The following GABRG2 variants were observed in gnomAD, a reference collection of about 807,000 sequenced individuals.
GABRG2 encodes gamma-aminobutyric acid receptor subunit gamma-2.
In GABRG2, 16 loss-of-function variants were observed where a neutral mutation model predicts 56.4. The ratio of observed to expected loss-of-function variants is 0.28; its 90% CI spans 0.19 to 0.43. The LOEUF is 0.43. Ranked by LOEUF, GABRG2 falls within the 20% of genes least tolerant of loss-of-function variation. The probability of loss-of-function intolerance (pLI) is 1.00; values close to 1 mark genes in which losing one functional copy is unlikely to be tolerated. For synonymous variants in GABRG2, 208 were observed against 205.5 expected (o/e 1.01, Z -0.10); for missense variants, 327 against 582.7 (o/e 0.56, Z 4.52).
rs1343459606 is a variant in GABRG2, at chr5:162,097,667, A to G, written c.357A>G (p.Gln119=). The change falls in exon 4 of 10, where the codon CAA becomes CAG. Residue 119 remains glutamine, a synonymous_variant. Coordinates refer to ENST00000639213, the MANE Select transcript of GABRG2 (RefSeq NM_198904.4). ...ACACTATTGATATATTTTTTGCGCAAACGTGGTATGACAGACGTTTGAAAT... is the reference window on the plus strand; with the variant it reads ...ACACTATTGATATATTTTTTGCGCAGACGTGGTATGACAGACGTTTGAAAT... The part of the protein sequence containing the change: ...MEYTIDIFFA[Q]TWYDRRLKFN... 6.2e-7 allele frequency: 1 copy of G among 1,613,526 alleles called. No homozygotes were observed. The highest frequency in any genetic ancestry group is 8.5e-7 in the Non-Finnish European group (1 of 1,179,724).
At position 162,078,656 on chromosome 5, in the gene GABRG2, T is replaced by C. The variant is rs532866795; in HGVS notation, c.107+10550T>C. 3.2e-3 allele frequency among the ~76,000 whole-genome samples: 488 copies of C among 151,408 alleles called. 3 individuals are homozygous for C. Among genetic ancestry groups the C allele is most frequent in the African/African-American group, 0.011 (464 of 41,384 alleles). On this transcript the variant is annotated intron_variant, in intron 1 of 9. Coordinates refer to ENST00000639213, the MANE Select transcript of GABRG2 (RefSeq NM_198904.4). ...TCCTGACCTCCTGATCCACCCGCCT[T>C]GGCCTCCCAAAATGCTGGGATTACA...
chr5:162,072,709 A>G (rs1195728128), intron 1 of GABRG2, among the ~76,000 whole-genome samples: 1 of 152,004 alleles, frequency 6.6e-6, no homozygotes, highest in Non-Finnish European at 1.5e-5. Flanking sequence ...ACACAAACAC[A>G]CATACACAGA....
intron 6 of GABRG2, among the ~76,000 whole-genome samples, chr5:162,137,484 G>A (rs1764219803): frequency 6.6e-6 from 1 of 152,040 alleles, no homozygotes; most frequent in South Asian, 2.1e-4. Flanking sequence ...GAATTTCACT[G>A]ATCCCTTCTG....
At chr5:162,124,958 A>ATGTGTGTGTGTGTGTGTG (rs55993809) in intron 6 of GABRG2, among the ~76,000 whole-genome samples, 7 of 143,888 alleles carry the variant, frequency 4.9e-5, no homozygotes, top group African/African-American at 1.8e-4. Context: ...GTATAAAGAG[A>ATGTGTGTGTGTGTGTGTG]TGTGTGTGTG....
At chr5:162,077,073 C>CTGTGTGTGTG (rs55938019) in intron 1 of GABRG2, among the ~76,000 whole-genome samples, 123 of 146,736 alleles carry the variant, frequency 8.4e-4, no homozygotes, top group African/African-American at 2.6e-3. Context: ...ACAACTACCC[C>CTGTGTGTGTG]TGTGTGTGTG....
intron 6 of GABRG2, among the ~76,000 whole-genome samples, chr5:162,116,528 T>C (rs1041438574): frequency 6.6e-6 from 1 of 151,918 alleles, no homozygotes; most frequent in Non-Finnish European, 1.5e-5. Context: ...CACATTCTAC[T>C]GACCAAAGCA....
intron 5 of GABRG2, chr5:162,102,411 A>G (rs1761493301): frequency 4.7e-6 from 2 of 426,372 alleles, no homozygotes; most frequent in South Asian, 3.4e-5. Flanking sequence ...TCAGGTGGCC[A>G]GTTGAAAATG....
intron 2 of GABRG2, 117 bp downstream of exon 2, chr5:162,094,096 T>C: frequency 1.7e-6 from 2 of 1,196,066 alleles, no homozygotes; most frequent in Non-Finnish European, 2.4e-6. Flanking sequence ...TACTTTTTTA[T>C]ATGTTGTAAA....
chr5:162,098,693 A>T (rs955997100), intron 4 of GABRG2: 7 of 152,188 alleles, frequency 4.6e-5, no homozygotes, highest in African/African-American at 1.7e-4. Context: ...AGGGGCAGCT[A>T]TCTGGTAGCA....
At chr5:162,103,787 A>G (rs977876646) in intron 5 of GABRG2, 102 bp from the exon 6 acceptor site, 4 of 1,297,392 alleles carry the variant, frequency 3.1e-6, no homozygotes, top group South Asian at 1.2e-5. Flanking sequence ...GCTTGTAACT[A>G]TCTTTCTCAG....
Position 162,153,241 on chromosome 5 carries a change from C to A in GABRG2, c.1301C>A (p.Thr434Lys). Residue 434 changes from threonine to lysine, a missense_variant, in exon 10 of 10, where the codon ACA becomes AAA. Thr to Lys is a moderately conservative substitution (Grantham distance 78). Transcript: ENST00000639213. ...TTCTGCTGTTTTGAAGATTGTCGAA[C>A]AGGAGCTTGGAGACATGGGAGGATA... ...SFFCCFEDCR[T>K]GAWRHGRIHI... is the part of the protein sequence containing the mutation. 1 of 1,614,076 alleles carries A rather than the reference C, an allele frequency of 6.2e-7. No homozygotes were observed. The highest frequency in any genetic ancestry group is 8.5e-7 in the Non-Finnish European group (1 of 1,179,978).
intron 1 of GABRG2, among the ~76,000 whole-genome samples, chr5:162,080,253 A>G (rs1348399218): frequency 1.3e-5 from 2 of 152,222 alleles, no homozygotes; most frequent in Non-Finnish European, 2.9e-5. Context: ...TGTTGAGGAA[A>G]TAACTTACAA....
chr5:162,100,769 T>G (rs1040233243), intron 4 of GABRG2, among the ~76,000 whole-genome samples: 1 of 152,194 alleles, frequency 6.6e-6, no homozygotes, highest in Non-Finnish European at 1.5e-5. Flanking sequence ...ACACTCACCT[T>G]TAGCAATTAA....
chr5:162,125,704 C>T (rs757100108), intron 6 of GABRG2, among the ~76,000 whole-genome samples: 2 of 151,402 alleles, frequency 1.3e-5, no homozygotes, highest in African/African-American at 2.4e-5. Context: ...GTCAGATGAA[C>T]GTAATAAAAG....
chr5:162,145,706 C>T (rs191868306), intron 7 of GABRG2, among the ~76,000 whole-genome samples: 1 of 152,278 alleles, frequency 6.6e-6, no homozygotes, highest in Admixed American at 6.5e-5. Context: ...ATTTGTTTCT[C>T]CCAAATTATC....
chr5:162,087,672 T>G (rs779417322), intron 1 of GABRG2, among the ~76,000 whole-genome samples: 7 of 152,104 alleles, frequency 4.6e-5, no homozygotes, highest in African/African-American at 1.4e-4. Flanking sequence ...GTTAAGGAAC[T>G]GAGTCGAAAC....
chr5:162,124,958 A>ATTG (rs1554099533), intron 6 of GABRG2, among the ~76,000 whole-genome samples: 1 of 143,888 alleles, frequency 6.9e-6, no homozygotes, highest in Non-Finnish European at 1.5e-5. Flanking sequence ...GTATAAAGAG[A>ATTG]TGTGTGTGTG....
At position 162,105,372 on chromosome 5, in the gene GABRG2, A is replaced by C. The variant is rs1455329150; in HGVS notation, c.769+1346A>C. Among the ~76,000 whole-genome samples the C allele has an allele frequency of 2.0e-5, 3 of 151,528 alleles. No homozygotes were observed. In the East Asian group the frequency reaches 5.8e-4, roughly 29 times the overall value. On this transcript the variant is annotated intron_variant, in intron 6 of 9. Coordinates refer to ENST00000639213, the MANE Select transcript of GABRG2 (RefSeq NM_198904.4). ...AGTAATGCTTGAGTATATTATTTTA[A>C]AATGGCCTTCTGTTCCATTATTTGC...
intron 6 of GABRG2, among the ~76,000 whole-genome samples, chr5:162,104,333 A>G (rs1761647960): frequency 6.6e-6 from 1 of 152,202 alleles, no homozygotes; most frequent in African/African-American, 2.4e-5. Context: ...TTTAGAAAGT[A>G]TGTTTCATAA....
Sources: gnomAD v4.1 joint callset for allele counts (sites outside exome capture counted in the v4.1 genomes callset) on GRCh38, gnomAD v4.1.1 for gene constraint, MANE v1.5 for transcripts, NCBI Gene and HGNC (gene_info 2026-07-23, HGNC 2026-07-21) for gene names.